Variants in IL1RAPL1 observed in about 807,000 individuals in gnomAD.
IL1RAPL1 encodes interleukin-1 receptor accessory protein-like 1.
Under a neutral mutation model 48.4 loss-of-function variants are expected in IL1RAPL1, and 3 were observed. That is an observed-to-expected ratio of 0.06 (90% CI 0.03 to 0.16). The LOEUF (loss-of-function observed/expected upper bound fraction) is 0.16, where lower values mean the gene tolerates loss of function less well. Among genes scored for constraint, IL1RAPL1 ranks in the 10% least tolerant of loss-of-function variants. The pLI is 1.00. For missense variants in IL1RAPL1, 349 were observed against 530.6 expected (o/e 0.66, Z 3.36); for synonymous variants, 185 against 187.7 (o/e 0.99, Z 0.12).
chrX:29,943,446 T>C (rs1933166219), intron 9 of IL1RAPL1, among the ~76,000 whole-genome samples: 2 of 112,070 alleles, frequency 1.8e-5, no homozygotes, highest in Admixed American at 9.4e-5. Context: ...CTCAAGAAGA[T>C]AACACAAATA....
intron 2 of IL1RAPL1, among the ~76,000 whole-genome samples, chrX:28,812,230 A>T (rs189916764): frequency 5.5e-4 from 61 of 111,010 alleles, no homozygotes; most frequent in Middle Eastern, 9.5e-3. Flanking sequence ...GTATATATAT[A>T]TTTTTTTCAG....
intron 2 of IL1RAPL1, among the ~76,000 whole-genome samples, chrX:28,812,501 A>C (rs1936803708): frequency 9.0e-6 from 1 of 110,780 alleles, no homozygotes; most frequent in Non-Finnish European, 1.9e-5. Context: ...TGTCAAACTT[A>C]AAGTTGTTAA....
intron 2 of IL1RAPL1, among the ~76,000 whole-genome samples, chrX:29,069,731 A>G (rs1927526026): frequency 9.1e-6 from 1 of 109,725 alleles, no homozygotes; most frequent in African/African-American, 3.3e-5. Flanking sequence ...CTGTCATGCA[A>G]TCCTATCAAA....
intron 5 of IL1RAPL1, among the ~76,000 whole-genome samples, chrX:29,445,531 G>C (rs774494545): frequency 8.9e-6 from 1 of 111,774 alleles, no homozygotes; most frequent in Non-Finnish European, 1.9e-5. Flanking sequence ...TGCTGTTTCT[G>C]AGTTAGGAGT....
intron 2 of IL1RAPL1, among the ~76,000 whole-genome samples, chrX:28,856,228 G>C (rs1348245527): frequency 8.9e-6 from 1 of 111,751 alleles, no homozygotes; most frequent in Non-Finnish European, 1.9e-5. Context: ...GTGTTTGTCT[G>C]GGTTAGAATA....
At chrX:28,827,535 T>C (rs1044011127) in intron 2 of IL1RAPL1, among the ~76,000 whole-genome samples, 3 of 111,825 alleles carry the variant, frequency 2.7e-5, no homozygotes, top group Non-Finnish European at 5.7e-5. Flanking sequence ...CCCCCAATTG[T>C]CTTGATCTTT....
intron 5 of IL1RAPL1, among the ~76,000 whole-genome samples, chrX:29,449,780 C>CACACACACACACACACAGAGAGAG (rs557765024): frequency 3.6e-4 from 21 of 58,231 alleles, no homozygotes; most frequent in East Asian, 6.5e-4. Flanking sequence ...CACACACACA[C>CACACACACACACACACAGAGAGAG]AGAGAGAGAG....
Position 29,357,027 on chromosome X carries a change from C to A in IL1RAPL1, c.363-39231C>A, listed in dbSNP as rs149195895. Among the ~76,000 whole-genome samples, 53 of 111,592 alleles carry A rather than the reference C, an allele frequency of 4.7e-4. 2 individuals carry two copies. In the East Asian group the frequency reaches 0.015, roughly 31 times the overall value. ...TGATAAACCTTTATTATTATTCATC[C>A]ACCAAACCAATCTCAAGAAAACCTG... On this transcript the variant is annotated intron_variant, in intron 3 of 10. Coordinates refer to ENST00000378993, the MANE Select transcript of IL1RAPL1 (RefSeq NM_014271.4).
chrX:29,947,113 C>A (rs1933225761), intron 9 of IL1RAPL1, among the ~76,000 whole-genome samples: 1 of 111,313 alleles, frequency 9.0e-6, no homozygotes, highest in African/African-American at 3.3e-5. Context: ...GCTGACCATC[C>A]TAATAAGGGC....
intron 2 of IL1RAPL1, among the ~76,000 whole-genome samples, chrX:29,049,213 T>A (rs775661807): frequency 8.9e-5 from 10 of 112,372 alleles, no homozygotes; most frequent in Non-Finnish European, 1.7e-4. Context: ...ATTGGCCTGA[T>A]GGCAAGCTAA....
chrX:29,334,838 G>A (rs1391148059), intron 3 of IL1RAPL1, among the ~76,000 whole-genome samples: 2 of 112,313 alleles, frequency 1.8e-5, no homozygotes, highest in African/African-American at 3.3e-5. Flanking sequence ...ACGATGGGGG[G>A]CCAGGCAGAG....
At chrX:29,482,127 T>A (rs1935047684) in intron 5 of IL1RAPL1, among the ~76,000 whole-genome samples, 1 of 112,243 alleles carries the variant, frequency 8.9e-6, no homozygotes, top group Non-Finnish European at 1.9e-5. Context: ...AAACCATCCA[T>A]GTTCCTTCTA....
chrX:29,668,579 C>T, intron 6 of IL1RAPL1, 75 bp downstream of exon 6: 1 of 727,147 alleles, frequency 1.4e-6, no homozygotes, highest in South Asian at 2.2e-5. Context: ...AGATTGTAAC[C>T]CGATGTAATA....
At chrX:29,768,982 A>T (rs1387458802) in intron 6 of IL1RAPL1, among the ~76,000 whole-genome samples, 1 of 111,112 alleles carries the variant, frequency 9.0e-6, no homozygotes, top group East Asian at 2.8e-4. Context: ...CCTCCTTCCA[A>T]TCTATCTGCT....
At chrX:29,383,345 C>A (rs1474986447) in intron 3 of IL1RAPL1, among the ~76,000 whole-genome samples, 2 of 111,899 alleles carry the variant, frequency 1.8e-5, no homozygotes, top group African/African-American at 6.5e-5. Context: ...AATTCCTCTC[C>A]CTGTGAAAAT....
intron 5 of IL1RAPL1, among the ~76,000 whole-genome samples, chrX:29,433,786 C>A (rs990135761): frequency 9.0e-6 from 1 of 110,690 alleles, no homozygotes; most frequent in Non-Finnish European, 1.9e-5. Context: ...TGGCTATTTG[C>A]ATATTTAAAG....
rs761990523 is a variant in IL1RAPL1, at chrX:29,750,340, A to G, written c.778+81836A>G. Among the ~76,000 whole-genome samples, 3 of 112,142 alleles carry G rather than the reference A, an allele frequency of 2.7e-5. No individual in the cohort carries two copies. The East Asian group carries it at 8.3e-4, about 31-fold the overall frequency. ...TATTCATAGCTGTTTTTCACTTTAC[A>G]TATCAAGAACCAATGTTTGGGAAAC... On this transcript the variant is annotated intron_variant, in intron 6 of 10. Transcript: ENST00000378993.
intron 6 of IL1RAPL1, among the ~76,000 whole-genome samples, chrX:29,708,469 C>T (rs1927258298): frequency 8.9e-6 from 1 of 111,909 alleles, no homozygotes; most frequent in South Asian, 3.7e-4. Flanking sequence ...TGTGTGAGGT[C>T]GTATAGTATT....
At chrX:29,133,857 C>T (rs1409392357) in intron 2 of IL1RAPL1, among the ~76,000 whole-genome samples, 1 of 111,482 alleles carries the variant, frequency 9.0e-6, no homozygotes, top group Non-Finnish European at 1.9e-5. Context: ...TTCTCCCAAC[C>T]CCTAACCCTT....
Sources: allele counts gnomAD v4.1 joint callset (sites outside exome capture counted in the v4.1 genomes callset), GRCh38; gene constraint gnomAD v4.1.1; transcripts MANE v1.5; gene names NCBI Gene and HGNC (gene_info 2026-07-23, HGNC 2026-07-21).